The following PIK3CD variants were observed in gnomAD, a reference collection of about 807,000 sequenced individuals.
The protein encoded by PIK3CD is phosphatidylinositol-4,5-bisphosphate 3-kinase catalytic subunit delta.
Under a neutral mutation model 122.9 loss-of-function variants are expected in PIK3CD, and 20 were observed. The observed-to-expected ratio is 0.16, with a 90% CI of 0.11 to 0.24. The LOEUF (loss-of-function observed/expected upper bound fraction) is 0.24. Among genes scored for constraint, PIK3CD ranks in the 10% least tolerant of loss-of-function variants. The pLI is 1.00. For missense variants in PIK3CD, 787 were observed against 1,406.3 expected (o/e 0.56, Z 7.04); for synonymous variants, 596 against 593.4 (o/e 1.00, Z -0.06).
chr1:9,718,801 G>C lies in PIK3CD; in HGVS notation c.1128G>C (p.Glu376Asp), dbSNP rs1403673258. ...AGCCCGTGTGGAAGCAGCGGCTGGA[G>C]TTCGACATCAACATCTGCGACCTGC... ...CSEPVWKQRL[E>D]FDINICDLPR... Residue 376 changes from glutamate (E) to aspartate (D), a missense_variant, in exon 9 of 24, where the codon GAG becomes GAC. Glu to Asp is a conservative substitution (Grantham distance 45). Transcript: ENST00000377346. The surrounding 1 kb of genome is among the most constrained non-coding windows in gnomAD (Gnocchi z 7.2). The C allele has an allele frequency of 1.9e-6, 3 of 1,612,084 alleles. No homozygotes were observed. The South Asian group carries it at 3.3e-5, about 18-fold the overall frequency.
intron 1 of PIK3CD, among the ~76,000 whole-genome samples, chr1:9,656,177 G>C (rs1412708142): frequency 6.6e-6 from 1 of 152,126 alleles, no homozygotes; most frequent in Non-Finnish European, 1.5e-5. Context: ...TGCAGAAAGG[G>C]ATAGACCTAT....
rs941275386 is a variant in PIK3CD, at chr1:9,715,153, G to A, written c.142-388G>A. On this transcript the variant is annotated intron_variant, in intron 3 of 23. Transcript: ENST00000377346. This position sits in a 1 kb window ranked among gnomAD's most constrained non-coding sequence, Gnocchi z 4.1. The stretch of plus-strand genomic sequence containing the variant: ...GATTGCGCCACTGCACTCCAACCTG[G>A]GCGACAGAGTGGGACTCCATCTCAA... Among the ~76,000 whole-genome samples, 1 of 152,142 alleles carries A rather than the reference G, an allele frequency of 6.6e-6. No homozygotes were observed. The highest frequency in any genetic ancestry group is 1.5e-5 in the Non-Finnish European group (1 of 68,032).
At chr1:9,663,034 C>G (rs1460890104) in intron 1 of PIK3CD, among the ~76,000 whole-genome samples, 1 of 152,186 alleles carries the variant, frequency 6.6e-6, no homozygotes, top group Non-Finnish European at 1.5e-5. Flanking sequence ...GAGGCTGTCT[C>G]TCTGTCCAGC....
Position 9,727,690 on chromosome 1 carries a change from G to C in PIK3CD, c.*644G>C, listed in dbSNP as rs900136229. 9 of 215,600 alleles carry C rather than the reference G, an allele frequency of 4.2e-5. No homozygotes were observed. Among genetic ancestry groups the C allele is most frequent in the African/African-American group, 2.0e-4 (9 of 43,952 alleles). The allele number at this position is 215,600 out of a possible 1,614,324, so 13.4% of individuals were successfully genotyped here. A position where few individuals can be genotyped will look rare whatever the true frequency, so the allele number is the denominator to read the frequency against. On this transcript the variant is annotated 3_prime_UTR_variant, in exon 24 of 24. Transcript: ENST00000377346. ...AGATCAGGCCCAGCCCCATAAAGGA[G>C]AATCTACGCTGGTCCTCAGGACGTG...
intron 3 of PIK3CD, among the ~76,000 whole-genome samples, chr1:9,712,366 C>T (rs1033731737): frequency 3.9e-5 from 6 of 151,910 alleles, no homozygotes; most frequent in Admixed American, 6.6e-5. Flanking sequence ...CTGCAACCTC[C>T]GCCTCCCAGG....
At position 9,722,544 on chromosome 1, in the gene PIK3CD, G is replaced by C. The variant is rs1247300105; in HGVS notation, c.2364G>C (p.Met788Ile). The change falls in exon 19 of 24, where the codon ATG (methionine) becomes ATC (isoleucine). Residue 788 changes from methionine (M) to isoleucine (I), a missense_variant. Met to Ile is a conservative substitution (Grantham distance 10). Transcript: ENST00000377346. This position sits in a 1 kb window ranked among gnomAD's most constrained non-coding sequence, Gnocchi z 7.6. ...FKNGDDLRQD[M>I]LTLQMIQLMD... ...GTGGCACAGACCTCCGGCAGGACAT[G>C]CTGACCCTGCAGATGATCCAGCTCA... 5.0e-6 allele frequency: 8 copies of C among 1,613,468 alleles called. No homozygotes were observed. The highest frequency in any genetic ancestry group is 6.8e-6 in the Non-Finnish European group (8 of 1,179,958).
At chr1:9,679,869 G>A (rs1645683274) in intron 1 of PIK3CD, among the ~76,000 whole-genome samples, 1 of 152,156 alleles carries the variant, frequency 6.6e-6, no homozygotes, top group Non-Finnish European at 1.5e-5. Flanking sequence ...CTGTCACACA[G>A]GCTGAAGTGC....
the PIK3CD span, among the ~76,000 whole-genome samples, chr1:9,639,401 C>A: frequency 6.6e-6 from 1 of 151,918 alleles, no homozygotes; most frequent in Non-Finnish European, 1.5e-5. Flanking sequence ...GCTGAGCACC[C>A]CCGAGAGGGT....
intron 5 of PIK3CD, 174 bp from the exon 6 acceptor site, chr1:9,716,266 C>A: frequency 1.2e-6 from 1 of 813,422 alleles, no homozygotes; most frequent in Non-Finnish European, 2.0e-6. Context: ...GCAGGATAAC[C>A]AAGTGGCGTG....
rs201282174 is a variant in PIK3CD, at chr1:9,720,231, G to C, written c.1459G>C (p.Ala487Pro). The C allele has an allele frequency of 3.1e-6, 5 of 1,606,108 alleles. No homozygotes were observed. Among genetic ancestry groups the C allele is most frequent in the South Asian group, 1.1e-5 (1 of 90,848 alleles). ...EVAPHPVYYP[A>P]LEKILELGRH... Reference sequence around the variant, plus strand: ...GGCCCCGCACCCCGTGTACTACCCCGCCCTGGAGAAGGTCAGTGGGGGCCC... The same window carrying C: ...GGCCCCGCACCCCGTGTACTACCCCCCCCTGGAGAAGGTCAGTGGGGGCCC... The change falls in exon 11 of 24, where the codon GCC (alanine) becomes CCC (proline). Residue 487 changes from alanine (A) to proline (P), a missense_variant. By Grantham distance (27) the Ala-to-Pro change is conservative. Around this residue, in one of 6 missense-constraint regions of PIK3CD, gnomAD observed 592 missense variants for 920.6 expected, o/e 0.64. Coordinates refer to ENST00000377346, the MANE Select transcript of PIK3CD (RefSeq NM_005026.5). The surrounding 1 kb of genome is among the most constrained non-coding windows in gnomAD (Gnocchi z 9.0).
At chr1:9,640,577 C>T in the PIK3CD span, among the ~76,000 whole-genome samples, 1 of 150,164 alleles carries the variant, frequency 6.7e-6, no homozygotes, top group Non-Finnish European at 1.5e-5. Flanking sequence ...AAAACTCTGT[C>T]TCAAAAAAAG....
At chr1:9,691,018 T>C (rs994176112) in intron 1 of PIK3CD, among the ~76,000 whole-genome samples, 1 of 152,148 alleles carries the variant, frequency 6.6e-6, no homozygotes, top group Non-Finnish European at 1.5e-5. Context: ...TCCAGCCCAA[T>C]AGGGCATGAA....
At chr1:9,698,137 C>T (rs1048160429) in intron 2 of PIK3CD, among the ~76,000 whole-genome samples, 6 of 152,120 alleles carry the variant, frequency 3.9e-5, no homozygotes, top group South Asian at 4.2e-4. Flanking sequence ...CATAACATTT[C>T]ATTTTTTCTA....
At position 9,715,092 on chromosome 1, in the gene PIK3CD, A is replaced by G. The variant is rs561173698; in HGVS notation, c.142-449A>G. 9.9e-5 allele frequency among the ~76,000 whole-genome samples: 15 copies of G among 152,258 alleles called. No homozygotes were observed. The South Asian group carries it at 1.4e-3, about 15-fold the overall frequency. On this transcript the variant is annotated intron_variant, in intron 3 of 23. Transcript: ENST00000377346. This position sits in a 1 kb window ranked among gnomAD's most constrained non-coding sequence, Gnocchi z 4.1. ...CTCGGGAGGCTGAGGCAAGAGAATC[A>G]CTTGAACCTGGGAAGCAGAGGTTGC... is the stretch of plus-strand genomic sequence containing the variant.
In PIK3CD at chr1:9,724,157, T is replaced by G; in HGVS notation, c.2718+65T>G. The G allele has an allele frequency of 1.2e-6, 2 of 1,613,784 alleles. No individual in the cohort carries two copies. Among genetic ancestry groups the G allele is most frequent in the South Asian group, 2.2e-5 (2 of 91,080 alleles). The stretch of plus-strand genomic sequence containing the variant: ...CTTCTGGCCCCAGCCTGCTGGCCCC[T>G]CTGCCTAGCACACAGCTCTGTGGCA... On this transcript the variant is annotated intron_variant, in intron 21 of 23. Transcript: ENST00000377346. The surrounding 1 kb of genome is among the most constrained non-coding windows in gnomAD (Gnocchi z 7.3).
At chr1:9,705,571 A>G (rs1646800490) in intron 2 of PIK3CD, among the ~76,000 whole-genome samples, 1 of 152,148 alleles carries the variant, frequency 6.6e-6, no homozygotes, top group Non-Finnish European at 1.5e-5. Context: ...AAGCAAAAAG[A>G]TGACTCAGAT....
chr1:9,690,154 G>T (rs1646147500), intron 1 of PIK3CD, among the ~76,000 whole-genome samples: 1 of 152,126 alleles, frequency 6.6e-6, no homozygotes, highest in Admixed American at 6.5e-5. Flanking sequence ...GGAGCCTCCT[G>T]CGCTCTGTCC....
rs751020974 is a variant in PIK3CD at position 9,722,014 on chromosome 1, G to C, written c.2095G>C (p.Val699Leu). ...LSKLKALNDFVKLSSQKTPKP... is the reference protein window; with the variant it reads ...LSKLKALNDFLKLSSQKTPKP... ...CAAACTGAAGGCCCTGAATGACTTC[G>C]TCAAGCTGAGCTCTCAGAAGACCCC... Residue 699 changes from valine to leucine, a missense_variant, in exon 17 of 24, where the codon GTC becomes CTC. Around this residue, in one of 6 missense-constraint regions of PIK3CD, gnomAD observed 48 missense variants for 71.9 expected, o/e 0.67. Transcript: ENST00000377346. The surrounding 1 kb of genome is among the most constrained non-coding windows in gnomAD (Gnocchi z 7.6). The C allele has an allele frequency of 1.4e-5, 23 of 1,613,722 alleles. No homozygotes were observed. The highest frequency in any genetic ancestry group is 1.9e-5 in the Non-Finnish European group (23 of 1,180,032).
In PIK3CD at chr1:9,722,684, T is replaced by G; in HGVS notation, c.2426+78T>G. 1.6e-6 allele frequency: 2 copies of G among 1,232,790 alleles called. No homozygotes were observed. The highest frequency in any genetic ancestry group is 1.7e-5 in the Admixed American group (1 of 57,360). The allele number at this position is 1,232,790 out of a possible 1,614,324, so 76.4% of individuals were successfully genotyped here. On this transcript the variant is annotated intron_variant, in intron 19 of 23. Transcript: ENST00000377346. This position sits in a 1 kb window ranked among gnomAD's most constrained non-coding sequence, Gnocchi z 7.6. ...TCTGTGCCCCTGGAGGGGTCCTTGT[T>G]GAAGGTGGCATGACCATCTCAGCCG...
Sources: allele counts gnomAD v4.1 joint callset (sites outside exome capture counted in the v4.1 genomes callset), GRCh38; gene constraint gnomAD v4.1.1; regional missense constraint gnomAD v4.1.1; non-coding constraint Gnocchi (gnomAD v3.1); transcripts MANE v1.5; gene names NCBI Gene and HGNC (gene_info 2026-07-23, HGNC 2026-07-21).